The following TMEM67 variants were observed in gnomAD, a reference collection of about 807,000 sequenced individuals.
TMEM67 encodes transmembrane protein 67, also known as meckelin.
Under a neutral mutation model 136.6 loss-of-function variants are expected in TMEM67, and 124 were observed. That is an observed-to-expected ratio of 0.91 (90% CI 0.78 to 1.05). The LOEUF (loss-of-function observed/expected upper bound fraction) is 1.05, where lower values mean the gene tolerates loss of function less well. Among genes scored for constraint, TMEM67 ranks in the 50% least tolerant of loss-of-function variants. The pLI, the probability that TMEM67 is intolerant of heterozygous loss-of-function variation, is 0.00. For missense variants in TMEM67, 1,107 were observed against 1,178.4 expected, an observed-to-expected ratio of 0.94 and a Z score of 0.89; for synonymous variants, 364 against 390.5, an observed-to-expected ratio of 0.93 and a Z score of 0.80.
upstream of TMEM67, chr8:93,754,861 C>T (rs1159944429): frequency 6.4e-7 from 1 of 1,554,848 alleles, no homozygotes; most frequent in East Asian, 2.2e-5. Flanking sequence ...TCAGCGAAGC[C>T]GCCGCAGAGG....
chr8:93,828,461 CA>C, the TMEM67 span, among the ~76,000 whole-genome samples: 6 of 152,254 alleles, frequency 3.9e-5, no homozygotes, highest in South Asian at 6.2e-4. Context: ...GAAAAGAAGC[CA>C]GGGGCAGTGG....
intron 23 of TMEM67, among the ~76,000 whole-genome samples, chr8:93,807,171 A>G (rs994033688): frequency 2.0e-5 from 3 of 152,128 alleles, no homozygotes. Context: ...GCAACCACAA[A>G]GCTACTGGTG....
intron 22 of TMEM67, 31 bp downstream of exon 22, chr8:93,803,715 G>A (rs769175852): frequency 8.1e-7 from 1 of 1,233,096 alleles, no homozygotes. Context: ...TCTTGCAACT[G>A]TTACTTTCCC....
At chr8:93,778,174 A>G (rs1813643473) in intron 7 of TMEM67, among the ~76,000 whole-genome samples, 1 of 152,134 alleles carries the variant, frequency 6.6e-6, no homozygotes, top group East Asian at 1.9e-4. Context: ...TAGGATTGCA[A>G]TGCCTGCTTT....
Position 93,781,868 on chromosome 8 carries a change from A to T in TMEM67, c.1065+124A>T. The T allele has an allele frequency of 5.6e-6, 3 of 532,080 alleles. No homozygotes were observed. In the South Asian group the frequency reaches 9.6e-5, roughly 17 times the overall value. 33.0% of individuals were successfully genotyped at this position (532,080 alleles called of 1,614,324 possible). A position where few individuals can be genotyped will look rare whatever the true frequency, so the allele number is the denominator to read the frequency against. On this transcript the variant is annotated intron_variant, in intron 10 of 27. Transcript: ENST00000453321. ...CATACTACAGTTGATTTTTTTTCTG[A>T]TGCTTTAAATTAGACTTTCTTAAGT...
At chr8:93,764,028 T>C in intron 4 of TMEM67, 87 bp downstream of exon 4, 3 of 895,354 alleles carry the variant, frequency 3.4e-6, no homozygotes, top group Non-Finnish European at 5.5e-6. Flanking sequence ...TCCTATCATA[T>C]CACTTAGTTT....
intron 10 of TMEM67, 35 bp downstream of exon 10, chr8:93,781,779 G>A: frequency 2.3e-6 from 3 of 1,316,768 alleles, no homozygotes; most frequent in Non-Finnish European, 3.3e-6. Context: ...TTAATAACAT[G>A]CATTATTTTT....
the TMEM67 span, among the ~76,000 whole-genome samples, chr8:93,830,624 T>C: frequency 6.6e-6 from 1 of 152,202 alleles, no homozygotes; most frequent in African/African-American, 2.4e-5. Flanking sequence ...TCCCACACAT[T>C]TGATCACAGA....
chr8:93,805,775 G>T (rs1233187517), intron 23 of TMEM67, among the ~76,000 whole-genome samples: 1 of 152,122 alleles, frequency 6.6e-6, no homozygotes, highest in African/African-American at 2.4e-5. Flanking sequence ...TTACCATTTT[G>T]CAATGACTAA....
intron 15 of TMEM67, among the ~76,000 whole-genome samples, chr8:93,792,649 A>T (rs1232761139): frequency 6.6e-6 from 1 of 152,004 alleles, no homozygotes. Flanking sequence ...ATTTATTTTT[A>T]AATCAGTGTG....
intron 21 of TMEM67, 46 bp from the exon 22 acceptor site, chr8:93,803,558 T>G (rs367690409): frequency 4.2e-5 from 55 of 1,299,964 alleles, no homozygotes; most frequent in Non-Finnish European, 5.9e-5. Context: ...AAAAGAAAAT[T>G]AAAATCCTAA....
Position 93,816,557 on chromosome 8 carries a change from T to A in TMEM67, c.*105T>A, listed in dbSNP as rs762856901. On this transcript the variant is annotated 3_prime_UTR_variant, in exon 28 of 28. Transcript: ENST00000453321. ...TTTTAAAACTTATAATGCAGACTATTCTGTTTTTGTTTTTTATTTGCAGAA... is the reference window on the plus strand; with the variant it reads ...TTTTAAAACTTATAATGCAGACTATACTGTTTTTGTTTTTTATTTGCAGAA... The A allele has an allele frequency of 1.2e-5, 7 of 601,528 alleles. No homozygotes were observed. In the South Asian group the frequency reaches 1.4e-4, roughly 12 times the overall value. The allele number at this position is 601,528 out of a possible 1,614,324, so 37.3% of individuals were successfully genotyped here.
At chr8:93,762,403 C>T (rs1410149279) in intron 3 of TMEM67, among the ~76,000 whole-genome samples, 10 of 134,192 alleles carry the variant, frequency 7.5e-5, no homozygotes, top group Non-Finnish European at 1.4e-4. Context: ...TACTATATAT[C>T]TCAAGCTGGT....
rs1563680808 is a variant in TMEM67 at position 93,765,627 on chromosome 8, C to T, written c.632C>T (p.Ala211Val). Reference protein sequence around the residue: ...TGNFPLRRISAARYGEVGMSL... With the variant: ...TGNFPLRRISVARYGEVGMSL... ...AATTTTCCTCTACGTAGAATTTCAG[C>T]TGCACGTTATGGAGAAGTTGTGAGT... The change falls in exon 6 of 28, where the codon GCT becomes GTT. Residue 211 changes from alanine (A) to valine (V), a missense_variant. Coordinates refer to ENST00000453321, the MANE Select transcript of TMEM67 (RefSeq NM_153704.6). The T allele has an allele frequency of 6.2e-7, 1 of 1,612,172 alleles. No homozygotes were observed. The highest frequency in any genetic ancestry group is 1.7e-5 in the Admixed American group (1 of 60,010).
chr8:93,760,952 CAG>C (rs1432220196), intron 3 of TMEM67, among the ~76,000 whole-genome samples: 1 of 152,116 alleles, frequency 6.6e-6, no homozygotes, highest in Non-Finnish European at 1.5e-5. Flanking sequence ...CAACTTTACT[CAG>C]AGTAAGAAAA....
intron 3 of TMEM67, 37 bp from the exon 4 acceptor site, chr8:93,763,805 A>C: frequency 1.5e-6 from 2 of 1,364,616 alleles, no homozygotes; most frequent in Admixed American, 1.7e-5. Flanking sequence ...TATGTTTACT[A>C]TGAGTTACAT....
intron 7 of TMEM67, among the ~76,000 whole-genome samples, chr8:93,774,428 G>A (rs201629227): frequency 6.6e-6 from 1 of 152,086 alleles, no homozygotes; most frequent in African/African-American, 2.4e-5. Context: ...TTGTTACATA[G>A]GTATACATGT....
At chr8:93,787,158 T>C (rs1814147143) in intron 13 of TMEM67, among the ~76,000 whole-genome samples, 1 of 152,216 alleles carries the variant, frequency 6.6e-6, no homozygotes, top group South Asian at 2.1e-4. Flanking sequence ...ATTGGCACTT[T>C]CCTTTTTGAA....
intron 4 of TMEM67, among the ~76,000 whole-genome samples, chr8:93,764,746 A>AT (rs899269936): frequency 4.6e-5 from 7 of 151,588 alleles, no homozygotes; most frequent in Admixed American, 1.3e-4. Flanking sequence ...CCAAATACCA[A>AT]TTTTTTTTGC....
Sources: allele counts gnomAD v4.1 joint callset (sites outside exome capture counted in the v4.1 genomes callset), GRCh38; gene constraint gnomAD v4.1.1; transcripts MANE v1.5; gene names NCBI Gene and HGNC (gene_info 2026-07-23, HGNC 2026-07-21).